SRGAP1: variants seen among roughly 807,000 people sequenced by gnomAD.
The protein encoded by SRGAP1 is SLIT-ROBO Rho GTPase-activating protein 1.
Under a neutral mutation model 121.9 loss-of-function variants are expected in SRGAP1, and 43 were observed. That is an observed-to-expected ratio of 0.35 (90% confidence interval 0.28 to 0.46). The LOEUF is 0.46. Ranked by LOEUF, SRGAP1 falls within the 20% of genes least tolerant of loss-of-function variation. The pLI is 1.00. For missense variants in SRGAP1, 1,102 were observed against 1,350.9 expected (o/e 0.82, Z 2.89); for synonymous variants, 447 against 485.4 (o/e 0.92, Z 1.04).
In SRGAP1 at chr12:64,156,702, T is replaced by C. The variant is rs550836154; in HGVS notation, c.*14030T>C. On this transcript the variant is annotated 3_prime_UTR_variant, in exon 22 of 22. Coordinates refer to ENST00000355086, the MANE Select transcript of SRGAP1 (RefSeq NM_020762.4). The stretch of plus-strand genomic sequence containing the variant: ...AGCCATCTATCTGAACGTGCACGGT[T>C]AGGGCCTCAAGGAAAGTGGGCTCAG... 16 of 152,338 alleles carry C rather than the reference T, an allele frequency of 1.1e-4. 1 individual carries two copies. Among genetic ancestry groups the C allele is most frequent in the Admixed American group, 1.0e-3 (16 of 15,300 alleles). The allele number at this position is 152,338 out of a possible 1,614,324, so 9.4% of individuals were successfully genotyped here.
intron 8 of SRGAP1, among the ~76,000 whole-genome samples, chr12:64,067,016 A>G (rs1593095159): frequency 7.2e-6 from 1 of 139,434 alleles, no homozygotes; most frequent in Admixed American, 7.3e-5. Context: ...CAAAGTTTTG[A>G]CCTGTTTTTT....
intron 1 of SRGAP1, among the ~76,000 whole-genome samples, chr12:63,972,218 A>G (rs937492031): frequency 3.9e-5 from 6 of 152,260 alleles, no homozygotes; most frequent in African/African-American, 1.4e-4. Context: ...TAATAGAGGT[A>G]TAAAGAAAAT....
intron 1 of SRGAP1, among the ~76,000 whole-genome samples, chr12:63,942,593 C>T (rs2031906949): frequency 6.6e-6 from 1 of 152,138 alleles, no homozygotes; most frequent in South Asian, 2.1e-4. Context: ...GAGTTTTTTC[C>T]ACTTTATGAT....
At chr12:63,998,461 G>A (rs1305713424) in intron 3 of SRGAP1, among the ~76,000 whole-genome samples, 1 of 152,080 alleles carries the variant, frequency 6.6e-6, no homozygotes, top group Non-Finnish European at 1.5e-5. Flanking sequence ...GCTCATCACT[G>A]GAGCATCTTC....
At chr12:64,086,959 A>T in intron 10 of SRGAP1, 40 bp from the exon 11 acceptor site, 3 of 1,528,826 alleles carry the variant, frequency 2.0e-6, no homozygotes, top group Non-Finnish European at 2.7e-6. Context: ...CACTCTGCTG[A>T]TTCCTTTCAG....
chr12:63,939,689 G>A (rs2031795229), intron 1 of SRGAP1, among the ~76,000 whole-genome samples: 1 of 152,134 alleles, frequency 6.6e-6, no homozygotes. Flanking sequence ...AAAACAAGTT[G>A]TTTCTCAGGA....
chr12:63,999,909 A>G (rs1301471395), intron 3 of SRGAP1, among the ~76,000 whole-genome samples: 1 of 152,164 alleles, frequency 6.6e-6, no homozygotes, highest in African/African-American at 2.4e-5. Context: ...GAATTAAAGG[A>G]TAAGAAGAAG....
At chr12:63,954,408 A>G (rs2032392454) in intron 1 of SRGAP1, among the ~76,000 whole-genome samples, 1 of 152,142 alleles carries the variant, frequency 6.6e-6, no homozygotes, top group Non-Finnish European at 1.5e-5. Context: ...ACTGGGCGCC[A>G]TGGCTCACGC....
intron 18 of SRGAP1, among the ~76,000 whole-genome samples, chr12:64,117,617 T>C (rs1209404429): frequency 1.3e-5 from 2 of 152,200 alleles, no homozygotes; most frequent in South Asian, 2.1e-4. Context: ...TATTCTCTTA[T>C]TTTATTTTAT....
chr12:63,907,706 G>A (rs2030283896), intron 1 of SRGAP1, among the ~76,000 whole-genome samples: 1 of 151,208 alleles, frequency 6.6e-6, no homozygotes, highest in Non-Finnish European at 1.5e-5. Flanking sequence ...GGTGTCCTAT[G>A]AGGCATAAAA....
In SRGAP1 at chr12:63,873,404, A is replaced by C. The variant is rs1308927579; in HGVS notation, c.67+28521A>C. Among the ~76,000 whole-genome samples, 3 of 151,798 alleles carry C rather than the reference A, an allele frequency of 2.0e-5. No homozygotes were observed. The East Asian group carries it at 5.9e-4, about 30-fold the overall frequency. ...AAAAATTAGCTGAGTATGGTGGCGC[A>C]TGCCTGTAATCCCAGCTACTTAGGA... On this transcript the variant is annotated intron_variant, in intron 1 of 21. Transcript: ENST00000355086.
At chr12:63,897,501 G>C (rs1422227370) in intron 1 of SRGAP1, among the ~76,000 whole-genome samples, 5 of 152,092 alleles carry the variant, frequency 3.3e-5, no homozygotes, top group African/African-American at 9.7e-5. Context: ...TGAAATTTGT[G>C]TATAGTCTAT....
chr12:63,849,665 A>G (rs1374593289), intron 1 of SRGAP1, among the ~76,000 whole-genome samples: 1 of 152,238 alleles, frequency 6.6e-6, no homozygotes, highest in African/African-American at 2.4e-5. Context: ...CTGTGTCTGC[A>G]TCTTACATTC....
intron 2 of SRGAP1, among the ~76,000 whole-genome samples, chr12:63,986,595 G>A (rs1007532145): frequency 2.0e-5 from 3 of 152,102 alleles, no homozygotes; most frequent in African/African-American, 7.2e-5. Context: ...GCTAATTTTT[G>A]TATTTTTACT....
chr12:64,047,722 A>G (rs572090518), intron 6 of SRGAP1, among the ~76,000 whole-genome samples: 3 of 152,308 alleles, frequency 2.0e-5, no homozygotes, highest in South Asian at 2.1e-4. Context: ...AAATGGATCT[A>G]TTGATACCAC....
chr12:63,949,024 TTTC>T (rs1357202141), intron 1 of SRGAP1, among the ~76,000 whole-genome samples: 1 of 142,920 alleles, frequency 7.0e-6, no homozygotes, highest in African/African-American at 2.6e-5. Flanking sequence ...ATATATGTAT[TTTC>T]CATATATGTA....
intron 1 of SRGAP1, among the ~76,000 whole-genome samples, chr12:63,870,340 G>T (rs1041519233): frequency 1.3e-5 from 2 of 151,998 alleles, no homozygotes; most frequent in African/African-American, 4.8e-5. Context: ...AATTTAAAAA[G>T]AAAGTAAAAG....
At chr12:64,026,488 A>G (rs1378259704) in intron 4 of SRGAP1, among the ~76,000 whole-genome samples, 1 of 152,208 alleles carries the variant, frequency 6.6e-6, no homozygotes, top group Admixed American at 6.5e-5. Context: ...ACTCACTGGC[A>G]TAGTTTTCTA....
chr12:64,079,398 G>T (rs2035796433), intron 9 of SRGAP1, among the ~76,000 whole-genome samples: 1 of 151,800 alleles, frequency 6.6e-6, no homozygotes, highest in Admixed American at 6.6e-5. Context: ...CGAGGCTGAG[G>T]TGGGAGGATC....
Sources: allele counts gnomAD v4.1 joint callset (sites outside exome capture counted in the v4.1 genomes callset), GRCh38; gene constraint gnomAD v4.1.1; transcripts MANE v1.5; gene names NCBI Gene and HGNC (gene_info 2026-07-23, HGNC 2026-07-21).